The following PLCG2 variants were observed in gnomAD, a reference collection of about 807,000 sequenced individuals.
PLCG2 encodes the protein 1-phosphatidylinositol 4,5-bisphosphate phosphodiesterase gamma-2.
A neutral mutation model predicts 175.6 loss-of-function variants in PLCG2; 69 were observed. The observed-to-expected ratio is 0.39, with a 90% confidence interval of 0.32 to 0.48. The LOEUF is 0.48. Ranked by LOEUF, PLCG2 falls within the 20% of genes least tolerant of loss-of-function variation. PLCG2 has a pLI of 0.91. For synonymous variants in PLCG2, 827 were observed against 624.0 expected (o/e 1.33, Z -4.85); for missense variants, 1,798 against 1,650.9 (o/e 1.09, Z -1.54).
At chr16:81,849,170 T>C (rs894987557) in intron 2 of PLCG2, among the ~76,000 whole-genome samples, 2 of 152,088 alleles carry the variant, frequency 1.3e-5, no homozygotes, top group African/African-American at 4.8e-5. Context: ...GAAGGCTTGA[T>C]CCCAAGGAGT....
chr16:81,854,688 G>A (rs1906595054), intron 3 of PLCG2, 101 bp downstream of exon 3: 1 of 1,074,526 alleles, frequency 9.3e-7, no homozygotes, highest in South Asian at 1.4e-5. Context: ...GCTCACTGAT[G>A]TGTATTTGGG....
At position 81,961,040 on chromosome 16, in the gene PLCG2, T is replaced by G. The variant is rs1911760309; in HGVS notation, c.*3042T>G. 4.3e-6 allele frequency: 1 copy of G among 231,418 alleles called. No homozygotes were observed. The highest frequency in any genetic ancestry group is 8.5e-6 in the Non-Finnish European group (1 of 117,028). 14.3% of individuals were successfully genotyped at this position (231,418 alleles called of 1,614,324 possible). A position where few individuals can be genotyped will look rare whatever the true frequency, so the allele number is the denominator to read the frequency against. ...TGTGGATATTTGGAAAGTGAAAGAC[T>G]TATCAACAGGGCACAAATCTTTTTG... On this transcript the variant is annotated 3_prime_UTR_variant, in exon 33 of 33. Coordinates refer to ENST00000564138, the MANE Select transcript of PLCG2 (RefSeq NM_002661.5).
At chr16:81,766,049 A>T (rs1910142816) in intron 2 of PLCG2, among the ~76,000 whole-genome samples, 1 of 152,164 alleles carries the variant, frequency 6.6e-6, no homozygotes, top group African/African-American at 2.4e-5. Flanking sequence ...AATGAGGCTT[A>T]GCCTTCCCAG....
intron 2 of PLCG2, among the ~76,000 whole-genome samples, chr16:81,840,931 G>A (rs1248132936): frequency 6.6e-6 from 1 of 152,174 alleles, no homozygotes; most frequent in East Asian, 1.9e-4. Flanking sequence ...CCTCCCTTGG[G>A]GATGGGGAGT....
In PLCG2 at chr16:81,859,181, T is replaced by G; in HGVS notation, c.479+18T>G. ...AGAAACAGGTAAGAGTCATTCAGTT[T>G]TTTTCTGATCACTTTGGATTTCGAT... On this transcript the variant is annotated intron_variant, in intron 5 of 32. Transcript: ENST00000564138. 6.5e-7 allele frequency: 1 copy of G among 1,547,104 alleles called. No homozygotes were observed. Among genetic ancestry groups the G allele is most frequent in the Non-Finnish European group, 8.9e-7 (1 of 1,119,076 alleles).
chr16:81,876,939 T>C (rs62047360), intron 7 of PLCG2, among the ~76,000 whole-genome samples: 27,626 of 152,242 alleles, frequency 0.18, 2,864 homozygotes, highest in Non-Finnish European at 0.25. Context: ...TGCTAGAGAT[T>C]TACCAAGGTG....
At chr16:81,785,348 A>T (rs1910921689) in intron 1 of PLCG2, among the ~76,000 whole-genome samples, 1 of 152,186 alleles carries the variant, frequency 6.6e-6, no homozygotes, top group Non-Finnish European at 1.5e-5. Flanking sequence ...AGAGCTACAC[A>T]GTCAGCAGGA....
intron 15 of PLCG2, 141 bp from the exon 16 acceptor site, chr16:81,907,544 G>C: frequency 1.9e-6 from 1 of 538,380 alleles, no homozygotes. Context: ...ATTGAATTCA[G>C]AGAATTCGCC....
intron 31 of PLCG2, among the ~76,000 whole-genome samples, chr16:81,952,941 T>G (rs1911425065): frequency 6.6e-6 from 1 of 152,224 alleles, no homozygotes; most frequent in African/African-American, 2.4e-5. Flanking sequence ...GCTACCATCT[T>G]AATCAGATGA....
intron 30 of PLCG2, among the ~76,000 whole-genome samples, chr16:81,943,250 G>T (rs144770223): frequency 6.6e-6 from 1 of 152,288 alleles, no homozygotes; most frequent in East Asian, 1.9e-4. Flanking sequence ...AAGAAAAGAG[G>T]TTTGATTGGC....
intron 2 of PLCG2, among the ~76,000 whole-genome samples, chr16:81,768,249 A>G (rs1232097986): frequency 1.3e-5 from 2 of 152,162 alleles, no homozygotes; most frequent in South Asian, 4.1e-4. Flanking sequence ...ATCAATAATT[A>G]CTTTTTATAG....
intron 7 of PLCG2, among the ~76,000 whole-genome samples, chr16:81,875,629 G>T (rs931284185): frequency 3.9e-5 from 6 of 152,138 alleles, no homozygotes; most frequent in African/African-American, 1.4e-4. Flanking sequence ...ATCAAGCAGC[G>T]TATCAGGTCA....
chr16:81,885,535 A>T (rs1043884118), intron 9 of PLCG2, among the ~76,000 whole-genome samples: 1 of 151,734 alleles, frequency 6.6e-6, no homozygotes, highest in Non-Finnish European at 1.5e-5. Flanking sequence ...CCCTTTCTTC[A>T]TTTCTTTGCT....
At chr16:81,808,683 T>A (rs1475315217) in intron 2 of PLCG2, among the ~76,000 whole-genome samples, 1 of 152,010 alleles carries the variant, frequency 6.6e-6, no homozygotes, top group Non-Finnish European at 1.5e-5. Flanking sequence ...TTAGTAGAGA[T>A]GGGGTTTCAC....
chr16:81,841,177 C>T lies in PLCG2; in HGVS notation c.194-13267C>T, dbSNP rs183267778. ...AACAAAGAAGATAAGGGCAGGCCCA[C>T]CCCCTATCTGCAGGCCAAAAAGTAA... On this transcript the variant is annotated intron_variant, in intron 2 of 32. Coordinates refer to ENST00000564138, the MANE Select transcript of PLCG2 (RefSeq NM_002661.5). Among the ~76,000 whole-genome samples, 5 of 152,128 alleles carry T rather than the reference C, an allele frequency of 3.3e-5. No individual in the cohort carries two copies. The East Asian group carries it at 9.7e-4, about 29-fold the overall frequency.
At chr16:81,944,416 T>G (rs543542945) in intron 30 of PLCG2, among the ~76,000 whole-genome samples, 3 of 152,310 alleles carry the variant, frequency 2.0e-5, no homozygotes, top group African/African-American at 7.2e-5. Context: ...TAATCTAATT[T>G]AAAGGATATG....
chr16:81,900,699 C>T lies in PLCG2; in HGVS notation c.1281C>T (p.Asp427=). ...AGGCCTTCAAGGAAGTATTTGGCGA[C>T]CTGCTGTTGACGAAGCCCACGGAGG... ...MAKAFKEVFG[D]LLLTKPTEAS... is the part of the protein sequence containing the mutation. Residue 427 remains aspartate (D), a synonymous_variant, in exon 14 of 33, where the codon GAC becomes GAT. Coordinates refer to ENST00000564138, the MANE Select transcript of PLCG2 (RefSeq NM_002661.5). The T allele has an allele frequency of 6.2e-7, 1 of 1,613,474 alleles. No homozygotes were observed. Among genetic ancestry groups the T allele is most frequent in the Non-Finnish European group, 8.5e-7 (1 of 1,179,416 alleles).
intron 7 of PLCG2, among the ~76,000 whole-genome samples, chr16:81,877,218 G>C (rs1429302244): frequency 1.3e-5 from 2 of 152,228 alleles, no homozygotes; most frequent in Admixed American, 1.3e-4. Flanking sequence ...ACTTTGGGAG[G>C]CCAAGGCGGG....
chr16:81,905,562 C>T (rs1317337444), intron 15 of PLCG2, 55 bp downstream of exon 15: 17 of 1,135,194 alleles, frequency 1.5e-5, no homozygotes, highest in Non-Finnish European at 1.9e-5. Context: ...GCAGCTGCTT[C>T]TTGGAGCCCT....
Sources: gnomAD v4.1 joint callset for allele counts (sites outside exome capture counted in the v4.1 genomes callset) on GRCh38, gnomAD v4.1.1 for gene constraint, MANE v1.5 for transcripts, NCBI Gene and HGNC (gene_info 2026-07-23, HGNC 2026-07-21) for gene names.